GET1: variants seen among roughly 807,000 people sequenced by gnomAD.
GET1 encodes guided entry of tail-anchored proteins factor 1.
Under a neutral mutation model 22.6 loss-of-function variants are expected in GET1, and 20 were observed. The ratio of observed to expected loss-of-function variants is 0.89; its 90% confidence interval spans 0.62 to 1.29. The LOEUF (loss-of-function observed/expected upper bound fraction) is 1.29. GET1 is among the 50% of genes most tolerant of loss of function. The pLI, the probability that GET1 is intolerant of heterozygous loss-of-function variation, is 0.00. For synonymous variants in GET1, 92 were observed against 83.8 expected (o/e 1.10, Z -0.53); for missense variants, 209 against 219.9 (o/e 0.95, Z 0.31).
downstream of GET1, among the ~76,000 whole-genome samples, chr21:39,398,065 G>T (rs1055322946): frequency 3.9e-5 from 6 of 152,138 alleles, no homozygotes; most frequent in African/African-American, 1.4e-4. Context: ...ACACATGCAC[G>T]CAGGCTTACC....
intron 1 of GET1, among the ~76,000 whole-genome samples, chr21:39,419,771 G>A (rs2041970856): frequency 6.6e-6 from 1 of 152,026 alleles, no homozygotes; most frequent in South Asian, 2.1e-4. Context: ...AAAGAATCAA[G>A]CTTAAGATTT....
intron 1 of GET1, chr21:39,428,032 C>T: frequency 5.0e-6 from 3 of 599,336 alleles, no homozygotes; most frequent in Non-Finnish European, 3.0e-6. Context: ...CTAATTTATT[C>T]TATAAAAGTT....
At chr21:39,404,889 G>A (rs889394048) in intron 4 of GET1, among the ~76,000 whole-genome samples, 2 of 149,092 alleles carry the variant, frequency 1.3e-5, no homozygotes, top group African/African-American at 5.0e-5. Flanking sequence ...AGGGTGCAGT[G>A]GTGTTATTTT....
At chr21:39,388,025 A>G (rs2038038990) in intron 1 of GET1, among the ~76,000 whole-genome samples, 1 of 152,202 alleles carries the variant, frequency 6.6e-6, no homozygotes, top group Non-Finnish European at 1.5e-5. Context: ...TGTTTCCTGA[A>G]CCATTTGGAA....
At chr21:39,411,896 A>C in intron 1 of GET1, 1 of 663,676 alleles carries the variant, frequency 1.5e-6, no homozygotes, top group South Asian at 2.1e-5. Context: ...TCAGTATCCT[A>C]TGAATAAAAT....
At chr21:39,425,000 C>T (rs2074409511) in intron 1 of GET1, among the ~76,000 whole-genome samples, 1 of 152,184 alleles carries the variant, frequency 6.6e-6, no homozygotes, top group African/African-American at 2.4e-5. Flanking sequence ...TGTCTATGTG[C>T]CTATGCTAGT....
intron 1 of GET1, among the ~76,000 whole-genome samples, chr21:39,423,890 C>T (rs1182018481): frequency 1.3e-5 from 2 of 152,264 alleles, no homozygotes; most frequent in East Asian, 3.9e-4. Flanking sequence ...TGCAGTGGCT[C>T]ATGTCTGTAA....
chr21:39,423,186 AT>A, intron 1 of GET1: 1 of 1,613,152 alleles, frequency 6.2e-7, no homozygotes, highest in Middle Eastern at 1.6e-4. Context: ...GTTGCCTTAA[AT>A]TTTTTACTTC....
At chr21:39,423,383 G>C in intron 1 of GET1, 1 of 1,611,538 alleles carries the variant, frequency 6.2e-7, no homozygotes, top group South Asian at 1.1e-5. Flanking sequence ...CTTGCTGAGA[G>C]TATTCGATGA....
intron 1 of GET1, among the ~76,000 whole-genome samples, chr21:39,381,360 G>A (rs1044114703): frequency 2.6e-5 from 4 of 152,172 alleles, no homozygotes; most frequent in Non-Finnish European, 4.4e-5. Context: ...TCGTTTCAGC[G>A]TTGTCTTGGA....
In GET1 at chr21:39,383,156, G is replaced by T. The variant is rs370085950; in HGVS notation, c.102+2670G>T. On this transcript the variant is annotated intron_variant, in intron 1 of 4. Transcript: ENST00000649170. ...TTTTTAGTAGAGACGAGGTTTCACC[G>T]AATTAGCCAGGATGGTCTCGATCTC... Among the ~76,000 whole-genome samples, 4 of 151,710 alleles carry T rather than the reference G, an allele frequency of 2.6e-5. No homozygotes were observed. The South Asian group carries it at 6.3e-4, about 24-fold the overall frequency.
downstream of GET1, among the ~76,000 whole-genome samples, chr21:39,399,374 G>A (rs1320774667): frequency 6.6e-6 from 1 of 152,084 alleles, no homozygotes; most frequent in Non-Finnish European, 1.5e-5. Flanking sequence ...ACTGGCGTTA[G>A]CATCTGTGCT....
At chr21:39,412,437 A>T (rs2040251858) in intron 1 of GET1, among the ~76,000 whole-genome samples, 1 of 152,256 alleles carries the variant, frequency 6.6e-6, no homozygotes, top group South Asian at 2.1e-4. Context: ...AAGGGTTTTT[A>T]TTAAATATCA....
chr21:39,381,997 C>G (rs201843557), intron 1 of GET1, among the ~76,000 whole-genome samples: 1 of 152,094 alleles, frequency 6.6e-6, no homozygotes, highest in East Asian at 1.9e-4. Context: ...TCCTGGCCTC[C>G]CAAAGTGCTG....
chr21:39,407,813 T>C (rs761113715), downstream of GET1: 12 of 152,206 alleles, frequency 7.9e-5, no homozygotes, highest in Non-Finnish European at 1.3e-4. Flanking sequence ...ATTAGGACAA[T>C]GGACTGAAAA....
intron 1 of GET1, chr21:39,387,631 C>G (rs973784835): frequency 3.6e-6 from 1 of 275,636 alleles, no homozygotes; most frequent in African/African-American, 2.3e-5. Flanking sequence ...AGAAGCTGCG[C>G]TGCAGTGAAC....
At chr21:39,387,750 T>C in intron 1 of GET1, 10 of 969,854 alleles carry the variant, frequency 1.0e-5, no homozygotes, top group Non-Finnish European at 1.2e-5. Flanking sequence ...ACTGGGCGGG[T>C]CAGAAACCAC....
chr21:39,390,838 G>A lies in GET1; in HGVS notation c.243G>A (p.Lys81=). The A allele has an allele frequency of 6.2e-7, 1 of 1,614,196 alleles. No individual in the cohort carries two copies. Among genetic ancestry groups the A allele is most frequent in the Non-Finnish European group, 8.5e-7 (1 of 1,180,038 alleles). The change falls in exon 2 of 5, where the codon AAG becomes AAA. Residue 81 remains lysine, a synonymous_variant. Coordinates refer to ENST00000649170, the MANE Select transcript of GET1 (RefSeq NM_004627.6). ...RYARLERKIN[K]MTDKLKTHVK... ...CCAGGCTGGAAAGAAAGATCAACAAGATGACGGATAAGCTCAAAACCCATG... is the reference window on the plus strand; with the variant it reads ...CCAGGCTGGAAAGAAAGATCAACAAAATGACGGATAAGCTCAAAACCCATG...
At chr21:39,390,567 G>T in intron 1 of GET1, 131 bp from the exon 2 acceptor site, 1 of 1,239,014 alleles carries the variant, frequency 8.1e-7, no homozygotes, top group Non-Finnish European at 1.1e-6. Flanking sequence ...TTTGCATTCA[G>T]TCCTGCAGGG....
Sources: allele counts gnomAD v4.1 joint callset (sites outside exome capture counted in the v4.1 genomes callset), GRCh38; gene constraint gnomAD v4.1.1; transcripts MANE v1.5; gene names NCBI Gene and HGNC (gene_info 2026-07-23, HGNC 2026-07-21).